The following AGBL5 variants were observed in gnomAD, a reference collection of about 807,000 sequenced individuals.
AGBL5 encodes AGBL carboxypeptidase 5.
A neutral mutation model predicts 88.0 loss-of-function variants in AGBL5; 51 were observed. The observed-to-expected ratio is 0.58, with a 90% CI of 0.46 to 0.73. The LOEUF is 0.73. AGBL5 is among the 30% of genes least tolerant of loss of function. AGBL5 has a pLI of 0.00. For synonymous variants in AGBL5, 446 were observed against 438.8 expected (o/e 1.02, Z -0.21); for missense variants, 1,031 against 1,162.2 (o/e 0.89, Z 1.64).
Position 27,070,367 on chromosome 2 carries a change from A to C in AGBL5, c.*104A>C. On this transcript the variant is annotated 3_prime_UTR_variant, in exon 15 of 15. Coordinates refer to ENST00000360131, the MANE Select transcript of AGBL5 (RefSeq NM_021831.6). ...CGCTGATTCCATGTGACAGCCGTTA[A>C]GTCCTTGGAATGCCAGCCACGCTGT... The C allele has an allele frequency of 8.0e-7, 1 of 1,255,712 alleles. No homozygotes were observed. The highest frequency in any genetic ancestry group is 1.1e-6 in the Non-Finnish European group (1 of 877,254). 77.8% of individuals were successfully genotyped at this position (1,255,712 alleles called of 1,614,324 possible). A position where few individuals can be genotyped will look rare whatever the true frequency, so the allele number is the denominator to read the frequency against.
At chr2:27,063,733 A>G (rs753171596) in intron 11 of AGBL5, among the ~76,000 whole-genome samples, 10 of 152,220 alleles carry the variant, frequency 6.6e-5, no homozygotes, top group Non-Finnish European at 1.2e-4. Context: ...GATGACACAC[A>G]GGACCTTGGC....
Position 27,067,598 on chromosome 2 carries a change from TCAC to T in AGBL5, c.2195_2197del (p.Ser732_His733delinsTyr), listed in dbSNP as rs1669055965. 2 of 1,613,888 alleles carry T rather than the reference TCAC, an allele frequency of 1.2e-6. No individual in the cohort carries two copies. Among genetic ancestry groups the T allele is most frequent in the African/African-American group, 2.7e-5 (2 of 74,908 alleles). On this transcript the variant is annotated inframe_deletion, in exon 12 of 15. Coordinates refer to ENST00000360131, the MANE Select transcript of AGBL5 (RefSeq NM_021831.6). Reference sequence around the variant, plus strand: ...TCCTACTAGTTCTGGCCCAGCCTCCTCACACAAGCTGGGCTCCTGTCTACTGCC... The same window carrying T: ...TCCTACTAGTTCTGGCCCAGCCTCCTACAAGCTGGGCTCCTGTCTACTGCC...
At chr2:27,052,721 A>C (rs1196265123) in intron 1 of AGBL5, among the ~76,000 whole-genome samples, 192 bp from the exon 2 acceptor site, 1 of 152,200 alleles carries the variant, frequency 6.6e-6, no homozygotes, top group East Asian at 1.9e-4. Context: ...TACAACCCTT[A>C]GTGTTGGGGT....
chr2:27,054,770 C>A lies in AGBL5; in HGVS notation c.692C>A (p.Thr231Asn). ...EPRLEQLFPD[T>N]STPRPFRFAG... ...CGTCTAGAGCAGCTATTTCCTGATA[C>A]CAGCACCCCTCGACCATTCCGTTTC... The change falls in exon 5 of 15, where the codon ACC becomes AAC. Residue 231 changes from threonine (T) to asparagine (N), a missense_variant. This residue lies in a region of AGBL5 where 540 missense variants were observed against 678.2 expected (regional missense o/e 0.80). Coordinates refer to ENST00000360131, the MANE Select transcript of AGBL5 (RefSeq NM_021831.6). The A allele has an allele frequency of 1.2e-6, 2 of 1,613,592 alleles. No individual in the cohort carries two copies. Among genetic ancestry groups the A allele is most frequent in the African/African-American group, 1.3e-5 (1 of 74,974 alleles).
Position 27,068,666 on chromosome 2 carries a change from A to C in AGBL5, c.2277A>C (p.Lys759Asn). 1 of 1,614,052 alleles carries C rather than the reference A, an allele frequency of 6.2e-7. No homozygotes were observed. Among genetic ancestry groups the C allele is most frequent in the Non-Finnish European group, 8.5e-7 (1 of 1,180,008 alleles). ...SSCSLLSSGD[K>N]PEAVMVIGKG... ...GCTCACTCTTGTCCTCTGGAGACAA[A>C]CCAGAGGCTGTCATGGTAATCGGGA... The change falls in exon 13 of 15, where the codon AAA becomes AAC. Residue 759 changes from lysine to asparagine, a missense_variant. By Grantham distance (94) the Lys-to-Asn change is moderately conservative. Transcript: ENST00000360131.
upstream of AGBL5, among the ~76,000 whole-genome samples, chr2:27,050,823 T>C (rs917554786): frequency 6.6e-6 from 1 of 151,858 alleles, no homozygotes; most frequent in African/African-American, 2.4e-5. Flanking sequence ...CTGTAGTGGA[T>C]AGGGCGTGGC....
At position 27,056,032 on chromosome 2, in the gene AGBL5, TC is replaced by T. The variant is rs747733044; in HGVS notation, c.1266del (p.Glu424ArgfsTer44). 2 of 1,613,768 alleles carry T rather than the reference TC, an allele frequency of 1.2e-6. No homozygotes were observed. Among genetic ancestry groups the T allele is most frequent in the South Asian group, 1.1e-5 (1 of 91,064 alleles). ...CTTGAAGAGTCAGCCCCTGATACCA[TC>T]CCCCCCAAAGAGAGTGGCGTTGCTT... ...AGLEESAPDTIPPKESGVAYY... is the reference protein window; with the variant it reads ...AGLEESAPDTXPPKESGVAYY... On this transcript the variant is annotated frameshift_variant, in exon 7 of 15. Coordinates refer to ENST00000360131, the MANE Select transcript of AGBL5 (RefSeq NM_021831.6). LOFTEE classifies it high-confidence loss of function.
rs1668260671 is a variant in AGBL5, at chr2:27,053,178, A to G, written c.215+5A>G. The G allele has an allele frequency of 6.3e-7, 1 of 1,576,432 alleles. No homozygotes were observed. The highest frequency in any genetic ancestry group is 8.6e-7 in the Non-Finnish European group (1 of 1,157,922). ...GGAATTTGAGAATGGGAACAGGTAT[A>G]TGGAACGAAATGGAGGGTGGAAAAA... On this transcript the variant is annotated splice_donor_5th_base_variant and intron_variant, in intron 2 of 14. Coordinates refer to ENST00000360131, the MANE Select transcript of AGBL5 (RefSeq NM_021831.6). This position sits in a 1 kb window ranked among gnomAD's most constrained non-coding sequence, Gnocchi z 4.9.
chr2:27,058,397 C>G lies in AGBL5; in HGVS notation c.1672-3C>G. On this transcript the variant is annotated splice_region_variant and splice_polypyrimidine_tract_variant and intron_variant, in intron 9 of 14. Coordinates refer to ENST00000360131, the MANE Select transcript of AGBL5 (RefSeq NM_021831.6). ...TGCTGAGCCAAACTGGACTACCCCACAGGTGGGACGAGCTATGGCCATTGC... is the reference window on the plus strand; with the variant it reads ...TGCTGAGCCAAACTGGACTACCCCAGAGGTGGGACGAGCTATGGCCATTGC... 1 of 1,612,778 alleles carries G rather than the reference C, an allele frequency of 6.2e-7. No homozygotes were observed. The highest frequency in any genetic ancestry group is 8.5e-7 in the Non-Finnish European group (1 of 1,180,014).
rs1282047395 is a variant in AGBL5 at position 27,057,268 on chromosome 2, C to G, written c.1536-35C>G. The G allele has an allele frequency of 2.5e-6, 4 of 1,592,014 alleles. No individual in the cohort carries two copies. The South Asian group carries it at 3.4e-5, about 14-fold the overall frequency. The stretch of plus-strand genomic sequence containing the variant: ...CTATGGTTCTGTCCTGGTATCTGTT[C>G]AGGCGGGACACTGATAAAGGTCTTT... On this transcript the variant is annotated intron_variant, in intron 8 of 14. Transcript: ENST00000360131.
chr2:27,053,229 C>G lies in AGBL5; in HGVS notation c.215+56C>G. 2 of 1,535,514 alleles carry G rather than the reference C, an allele frequency of 1.3e-6. No homozygotes were observed. Among genetic ancestry groups the G allele is most frequent in the Non-Finnish European group, 1.8e-6 (2 of 1,134,052 alleles). On this transcript the variant is annotated intron_variant, in intron 2 of 14. Coordinates refer to ENST00000360131, the MANE Select transcript of AGBL5 (RefSeq NM_021831.6). This position sits in a 1 kb window ranked among gnomAD's most constrained non-coding sequence, Gnocchi z 4.9. ...GGCTCCAAACCCATGCTTCAGTTAG[C>G]CCTCTGACTTATCTGTTCATACCCA... is the stretch of plus-strand genomic sequence containing the variant.
At chr2:27,050,928 T>TA (rs974878503), upstream of AGBL5, 4 of 152,226 alleles carry the variant, frequency 2.6e-5, no homozygotes, top group African/African-American at 9.6e-5. Flanking sequence ...GGGAAAGGCT[T>TA]GGAGGCCTCC....
At chr2:27,066,862 A>G (rs1012376285) in intron 11 of AGBL5, among the ~76,000 whole-genome samples, 49 of 152,158 alleles carry the variant, frequency 3.2e-4, no homozygotes, top group African/African-American at 1.2e-3. Context: ...AGGCGGGTGG[A>G]TCAGAAGGTC....
chr2:27,060,283 CTG>C (rs1196078038), intron 11 of AGBL5, among the ~76,000 whole-genome samples: 6 of 152,356 alleles, frequency 3.9e-5, no homozygotes, highest in African/African-American at 7.2e-5. Flanking sequence ...AGTTGCTTAA[CTG>C]TGCATTAGTA....
At position 27,053,636 on chromosome 2, in the gene AGBL5, G is replaced by T. The variant is rs552810227; in HGVS notation, c.387+63G>T. Reference sequence around the variant, plus strand: ...CTAAAAGTAGAGAGGAAAGTAAAGCGTTTTTTTTTCCTTGATACAAGTATG... The same window carrying T: ...CTAAAAGTAGAGAGGAAAGTAAAGCTTTTTTTTTTCCTTGATACAAGTATG... On this transcript the variant is annotated intron_variant, in intron 3 of 14. Coordinates refer to ENST00000360131, the MANE Select transcript of AGBL5 (RefSeq NM_021831.6). This position sits in a 1 kb window ranked among gnomAD's most constrained non-coding sequence, Gnocchi z 4.9. 1.3e-6 allele frequency: 2 copies of T among 1,519,704 alleles called. No individual in the cohort carries two copies. The highest frequency in any genetic ancestry group is 2.1e-5 in the Admixed American group (1 of 46,770). The allele number at this position is 1,519,704 out of a possible 1,614,324, so 94.1% of individuals were successfully genotyped here.
At chr2:27,058,109 A>G (rs1668530446) in intron 9 of AGBL5, among the ~76,000 whole-genome samples, 1 of 152,078 alleles carries the variant, frequency 6.6e-6, no homozygotes, top group South Asian at 2.1e-4. Context: ...TGTAGGTTAC[A>G]GAAGGGATTC....
At chr2:27,068,870 G>A (rs1469724266) in intron 13 of AGBL5, 126 bp downstream of exon 13, 18 of 1,505,914 alleles carry the variant, frequency 1.2e-5, no homozygotes, top group Non-Finnish European at 1.5e-5. Flanking sequence ...ACATCAGAGA[G>A]CTTCTCTGGT....
rs149925480 is a variant in AGBL5, at chr2:27,070,164, C to T, written c.2562C>T (p.Asp854=). Residue 854 remains aspartate (D), a synonymous_variant, in exon 15 of 15, where the codon GAC becomes GAT. Transcript: ENST00000360131. ...AFSPISCSLS[D]SPSWNCYSRG... ...CTCCTATATCCTGTAGTCTATCTGA[C>T]TCCCCATCCTGGAATTGTTACAGCA... 2.0e-4 allele frequency: 316 copies of T among 1,614,234 alleles called. No homozygotes were observed. The African/African-American group carries it at 3.5e-3, about 18-fold the overall frequency.
rs748232030 is a variant in AGBL5 at position 27,068,631 on chromosome 2, G to A, written c.2243-1G>A. ...CCTGATCAGTTTCCTCTGTTCCCTAGGGAGCAGTTGCTCACTCTTGTCCTC... is the reference window on the plus strand; with the variant it reads ...CCTGATCAGTTTCCTCTGTTCCCTAAGGAGCAGTTGCTCACTCTTGTCCTC... On this transcript the variant is annotated splice_acceptor_variant, in intron 12 of 14. Transcript: ENST00000360131. LOFTEE classifies it high-confidence loss of function. 5 of 1,613,730 alleles carry A rather than the reference G, an allele frequency of 3.1e-6. No homozygotes were observed. Among genetic ancestry groups the A allele is most frequent in the Non-Finnish European group, 3.4e-6 (4 of 1,179,926 alleles).
Sources: allele counts gnomAD v4.1 joint callset (sites outside exome capture counted in the v4.1 genomes callset), GRCh38; gene constraint gnomAD v4.1.1; regional missense constraint gnomAD v4.1.1; non-coding constraint Gnocchi (gnomAD v3.1); transcripts MANE v1.5; gene names NCBI Gene and HGNC (gene_info 2026-07-23, HGNC 2026-07-21).